The following GAS7 variants were observed in gnomAD, a reference collection of about 807,000 sequenced individuals.
GAS7 encodes the protein growth arrest specific 7, also known as growth arrest-specific protein 7.
Under a neutral mutation model 71.1 loss-of-function variants are expected in GAS7, and 28 were observed. That is an observed-to-expected ratio of 0.39 (90% CI 0.29 to 0.54). The LOEUF (loss-of-function observed/expected upper bound fraction) is 0.54. Among genes scored for constraint, GAS7 ranks in the 20% least tolerant of loss-of-function variants. The probability of loss-of-function intolerance (pLI) is 0.62; values close to 1 mark genes in which losing one functional copy is unlikely to be tolerated. For synonymous variants in GAS7, 258 were observed against 245.8 expected (o/e 1.05, Z -0.46); for missense variants, 436 against 627.8 (o/e 0.69, Z 3.27).
chr17:10,111,641 G>A (rs960215336), intron 1 of GAS7, among the ~76,000 whole-genome samples: 4 of 152,116 alleles, frequency 2.6e-5, no homozygotes, highest in South Asian at 2.1e-4. Flanking sequence ...CCGAGATCAC[G>A]CCACTGCACT....
At chr17:9,940,080 G>T in intron 8 of GAS7, 46 bp downstream of exon 8, 1 of 1,048,828 alleles carries the variant, frequency 9.5e-7, no homozygotes. Flanking sequence ...CCCTTCCTCA[G>T]TGACCCCCCA....
intron 1 of GAS7, among the ~76,000 whole-genome samples, chr17:10,168,892 C>A (rs562905097): frequency 6.7e-6 from 1 of 148,334 alleles, no homozygotes; most frequent in Non-Finnish European, 1.5e-5. Flanking sequence ...ATCACTTGAA[C>A]ATGGGAGGCA....
chr17:9,958,323 A>G (rs897647000), intron 5 of GAS7, among the ~76,000 whole-genome samples: 7 of 152,224 alleles, frequency 4.6e-5, no homozygotes, highest in Admixed American at 3.3e-4. Context: ...AGTGCACACA[A>G]AAGTTGCAGC....
intron 1 of GAS7, among the ~76,000 whole-genome samples, chr17:10,042,681 AGAG>A (rs1328210168): frequency 6.6e-6 from 1 of 152,254 alleles, no homozygotes; most frequent in African/African-American, 2.4e-5. Flanking sequence ...TTCAGAATCC[AGAG>A]GAGGGCGAGG....
chr17:10,089,905 C>T (rs1370577955), intron 1 of GAS7, among the ~76,000 whole-genome samples: 1 of 152,152 alleles, frequency 6.6e-6, no homozygotes, highest in Admixed American at 6.5e-5. Context: ...CAGTGGCTCA[C>T]ACCTCTAATC....
chr17:10,179,610 G>C (rs2074399306), intron 1 of GAS7, among the ~76,000 whole-genome samples: 1 of 152,102 alleles, frequency 6.6e-6, no homozygotes, highest in Non-Finnish European at 1.5e-5. Flanking sequence ...TAAGTTTGTG[G>C]TCCAAATACA....
At chr17:10,056,766 CCCACGATCTCCCTCT>C (rs1313366054) in intron 1 of GAS7, among the ~76,000 whole-genome samples, 1 of 151,908 alleles carries the variant, frequency 6.6e-6, no homozygotes. Flanking sequence ...GATCTCCCTC[CCCACGATCTCCCTCT>C]CCCTCTCTTT....
chr17:10,022,246 C>A (rs1160130629), intron 1 of GAS7, among the ~76,000 whole-genome samples: 1 of 151,934 alleles, frequency 6.6e-6, no homozygotes, highest in African/African-American at 2.4e-5. Flanking sequence ...AGAGTGAGAC[C>A]CTGTCTCAAA....
Position 9,942,647 on chromosome 17 carries a change from C to G in GAS7, c.731+474G>C, listed in dbSNP as rs58952364. 1.3e-4 allele frequency among the ~76,000 whole-genome samples: 20 copies of G among 152,268 alleles called. No individual in the cohort carries two copies. In the East Asian group the frequency reaches 3.5e-3, roughly 26 times the overall value. On this transcript the variant is annotated intron_variant, in intron 7 of 13. Coordinates refer to ENST00000432992, the MANE Select transcript of GAS7 (RefSeq NM_201433.2). ...GATGAATTGAACTGTAACATCCCCC[C>G]CACTGGTTACGGTAAAGGGCTGTGC...
intron 2 of GAS7, among the ~76,000 whole-genome samples, chr17:9,987,597 G>A (rs2070693418): frequency 6.6e-6 from 1 of 152,200 alleles, no homozygotes; most frequent in African/African-American, 2.4e-5. Flanking sequence ...GGACAACACA[G>A]CAAGACCCTA....
intron 2 of GAS7, among the ~76,000 whole-genome samples, chr17:9,993,558 C>A (rs2070924996): frequency 6.6e-6 from 1 of 151,962 alleles, no homozygotes; most frequent in Admixed American, 6.6e-5. Context: ...CTATGACAAA[C>A]CCACAGCCAA....
intron 9 of GAS7, among the ~76,000 whole-genome samples, chr17:9,932,184 GT>G (rs1272085594): frequency 1.4e-5 from 2 of 147,870 alleles, no homozygotes; most frequent in Admixed American, 6.9e-5. Context: ...ACTCTGAAAG[GT>G]CCCCCCCGCT....
chr17:9,975,846 A>G (rs779018784), intron 3 of GAS7, among the ~76,000 whole-genome samples: 2 of 152,234 alleles, frequency 1.3e-5, no homozygotes, highest in Non-Finnish European at 2.9e-5. Flanking sequence ...GTTGAGGGAA[A>G]TACAGCAGGG....
At chr17:10,158,087 T>C (rs968438506) in intron 1 of GAS7, among the ~76,000 whole-genome samples, 3 of 152,184 alleles carry the variant, frequency 2.0e-5, no homozygotes, top group African/African-American at 7.2e-5. Context: ...CTCGGCTCAC[T>C]GCAAGCTCTG....
rs949691462 is a variant in GAS7 at position 10,019,816 on chromosome 17, G to A, written c.265C>T (p.Pro89Ser). Reference protein sequence around the residue: ...LPPGWQSYLSPQGRRYYVNTT... With the variant: ...LPPGWQSYLSSQGRRYYVNTT... ...TTGACATAGTACCGCCGGCCCTGAG[G>A]CGACAGGTAGCTCTGCCAGCCAGGT... is the stretch of plus-strand genomic sequence containing the variant. Residue 89 changes from proline to serine, a missense_variant, in exon 2 of 14, where the codon CCT becomes TCT. Physicochemically the swap from Pro to Ser is moderately conservative, Grantham distance 74. Transcript: ENST00000432992. The A allele has an allele frequency of 6.2e-7, 1 of 1,614,102 alleles. No homozygotes were observed. The highest frequency in any genetic ancestry group is 2.2e-5 in the East Asian group (1 of 44,878).
intron 1 of GAS7, among the ~76,000 whole-genome samples, chr17:10,020,502 A>C (rs1292419486): frequency 1.3e-5 from 2 of 152,204 alleles, no homozygotes. Flanking sequence ...GTATGCATTT[A>C]TGTGCAATTA....
rs114301197 is a variant in GAS7 at position 10,120,060 on chromosome 17, C to T, written c.183+78148G>A. 8.9e-3 allele frequency among the ~76,000 whole-genome samples: 1,356 copies of T among 152,328 alleles called. 24 individuals are homozygous for T. Among genetic ancestry groups the T allele is most frequent in the African/African-American group, 0.031 (1,288 of 41,568 alleles). ...AGTGAGCAGAGCACCAAGGGTTTTC[C>T]TGCTGGGAAGAAATGCAAGGCTGGC... On this transcript the variant is annotated intron_variant, in intron 1 of 13. Transcript: ENST00000432992.
chr17:10,061,534 G>A (rs1012834335), intron 1 of GAS7, among the ~76,000 whole-genome samples: 4 of 152,332 alleles, frequency 2.6e-5, no homozygotes, highest in South Asian at 4.1e-4. Context: ...ATCCTGCTTC[G>A]GCTGACATTT....
chr17:10,186,701 C>T (rs369582027), intron 1 of GAS7, among the ~76,000 whole-genome samples: 4 of 152,120 alleles, frequency 2.6e-5, no homozygotes, highest in South Asian at 2.1e-4. Context: ...CCACCGTGCC[C>T]GGCCCAAAGC....
Sources: gnomAD v4.1 joint callset for allele counts (sites outside exome capture counted in the v4.1 genomes callset) on GRCh38, gnomAD v4.1.1 for gene constraint, MANE v1.5 for transcripts, NCBI Gene and HGNC (gene_info 2026-07-23, HGNC 2026-07-21) for gene names.